The following CDKL4 variants were observed in gnomAD, a reference collection of about 807,000 sequenced individuals.
CDKL4 encodes cyclin-dependent kinase-like 4.
CDKL4 carries 44 observed loss-of-function variants against 42.0 expected under a neutral mutation model. That is an observed-to-expected ratio of 1.05 (90% CI 0.82 to 1.35). The LOEUF (loss-of-function observed/expected upper bound fraction) is 1.35. Ranked by LOEUF, CDKL4 falls within the 40% of genes most tolerant of loss-of-function variation. The pLI is 0.00. For synonymous variants in CDKL4, 120 were observed against 121.6 expected (o/e 0.99, Z 0.09); for missense variants, 393 against 369.9 (o/e 1.06, Z -0.51).
chr2:39,227,515 C>A (rs527954794), intron 2 of CDKL4, among the ~76,000 whole-genome samples: 12 of 152,208 alleles, frequency 7.9e-5, no homozygotes, highest in Non-Finnish European at 2.9e-5. Context: ...ATCGCGTGAA[C>A]CTAGGAGTTC....
chr2:39,172,145 C>G (rs1675016514), downstream of CDKL4, among the ~76,000 whole-genome samples: 1 of 151,846 alleles, frequency 6.6e-6, no homozygotes, highest in South Asian at 2.1e-4. Flanking sequence ...CCCATCTCTA[C>G]TAAAAATACA....
At chr2:39,233,044 C>CAAAAAAAAAAAAAAAAAAAAAAAAAA in intron 1 of CDKL4, among the ~76,000 whole-genome samples, 1 of 66,130 alleles carries the variant, frequency 1.5e-5, no homozygotes, top group Non-Finnish European at 2.7e-5. Flanking sequence ...GACTCCATCT[C>CAAAAAAAAAAAAAAAAAAAAAAAAAA]AAAAAAAAAA....
chr2:39,181,761 T>C (rs1258587927), intron 8 of CDKL4, among the ~76,000 whole-genome samples: 1 of 152,074 alleles, frequency 6.6e-6, no homozygotes, highest in Non-Finnish European at 1.5e-5. Flanking sequence ...TGGAGTTACA[T>C]TGTCACAAGT....
chr2:39,179,199 T>C, exon 9 of CDKL4: 1 of 1,605,208 alleles, frequency 6.2e-7, no homozygotes, highest in Non-Finnish European at 8.5e-7. Context: ...GTTGGCGTCT[T>C]CTGTTTCTTC....
rs568272885 is a variant in CDKL4 at position 39,229,343 on chromosome 2, CAT to C, written c.168+20_168+21del. On this transcript the variant is annotated intron_variant, in intron 2 of 9. Transcript: ENST00000451199. The stretch of plus-strand genomic sequence containing the variant: ...TTTCACTCAATTCCATGATATTTTA[CAT>C]ATATATAAAGTTAACTTACCTTCAA... The C allele has an allele frequency of 1.4e-6, 2 of 1,460,836 alleles. No individual in the cohort carries two copies. The highest frequency in any genetic ancestry group is 2.9e-5 in the African/African-American group (2 of 69,452). 90.5% of individuals were successfully genotyped at this position (1,460,836 alleles called of 1,614,324 possible).
At chr2:39,177,209 G>A (rs1675200745) in intron 9 of CDKL4, among the ~76,000 whole-genome samples, 1 of 152,094 alleles carries the variant, frequency 6.6e-6, no homozygotes, top group African/African-American at 2.4e-5. Flanking sequence ...ATTGAAGGAA[G>A]GGTAGCACAG....
intron 5 of CDKL4, among the ~76,000 whole-genome samples, chr2:39,196,467 G>A (rs527860190): frequency 2.7e-4 from 41 of 152,276 alleles, no homozygotes; most frequent in Admixed American, 9.2e-4. Context: ...CTAGGGGAAA[G>A]GGGAGAGCAC....
intron 4 of CDKL4, among the ~76,000 whole-genome samples, chr2:39,206,044 GT>G (rs1196589433): frequency 3.9e-5 from 3 of 76,214 alleles, no homozygotes; most frequent in South Asian, 4.1e-4. Flanking sequence ...CAAAGCAGCT[GT>G]TTTTTTTTGT....
intron 5 of CDKL4, among the ~76,000 whole-genome samples, chr2:39,198,815 CCTCTGGGATACAG>C (rs1676674665): frequency 6.6e-6 from 1 of 152,022 alleles, no homozygotes; most frequent in Admixed American, 6.6e-5. Flanking sequence ...CCTATCAAAA[CCTCTGGGATACAG>C]CAAAGGCAAT....
intron 1 of CDKL4, among the ~76,000 whole-genome samples, chr2:39,229,853 T>C (rs543840949): frequency 2.2e-4 from 33 of 152,346 alleles, no homozygotes; most frequent in African/African-American, 7.5e-4. Flanking sequence ...AGGAAACTTA[T>C]CCCATCTATT....
chr2:39,215,435 T>C (rs72921008), intron 3 of CDKL4, among the ~76,000 whole-genome samples: 5,176 of 152,306 alleles, frequency 0.034, 300 homozygotes, highest in African/African-American at 0.12. Flanking sequence ...TTCAGCCCTG[T>C]TGATGGAGAT....
intron 1 of CDKL4, among the ~76,000 whole-genome samples, chr2:39,240,845 C>T (rs1478980424): frequency 6.6e-6 from 1 of 152,070 alleles, no homozygotes; most frequent in African/African-American, 2.4e-5. Flanking sequence ...GTATTCTTGG[C>T]AAAAATGCAA....
intron 5 of CDKL4, among the ~76,000 whole-genome samples, chr2:39,196,013 A>T (rs1197429728): frequency 6.6e-6 from 1 of 152,168 alleles, no homozygotes; most frequent in Non-Finnish European, 1.5e-5. Context: ...AAGGTGGATT[A>T]CCACTGCAGG....
intron 3 of CDKL4, among the ~76,000 whole-genome samples, chr2:39,215,638 A>G (rs1294534098): frequency 6.6e-6 from 1 of 152,216 alleles, no homozygotes; most frequent in East Asian, 1.9e-4. Flanking sequence ...TTAAAAATTG[A>G]ACATGTGCAG....
At chr2:39,231,347 A>C (rs1261736829) in intron 1 of CDKL4, among the ~76,000 whole-genome samples, 1 of 152,250 alleles carries the variant, frequency 6.6e-6, no homozygotes, top group African/African-American at 2.4e-5. Flanking sequence ...GTTTCAAATG[A>C]GTACACATTT....
In CDKL4 at chr2:39,229,592, GA is replaced by G; in HGVS notation, c.-56-5del. 1 of 1,349,422 alleles carries G rather than the reference GA, an allele frequency of 7.4e-7. No individual in the cohort carries two copies. The highest frequency in any genetic ancestry group is 1.0e-6 in the Non-Finnish European group (1 of 981,228). 83.6% of individuals were successfully genotyped at this position (1,349,422 alleles called of 1,614,324 possible). A position where few individuals can be genotyped will look rare whatever the true frequency, so the allele number is the denominator to read the frequency against. ...GACTTGCAGTACAATGCTGCACCTG[GA>G]AAATAAGGTAGACTTGCCTTAATCA... On this transcript the variant is annotated splice_polypyrimidine_tract_variant and splice_region_variant and intron_variant, in intron 1 of 9. Coordinates refer to ENST00000451199, the Ensembl canonical transcript of CDKL4.
chr2:39,245,771 A>G (rs889211638), upstream of CDKL4, among the ~76,000 whole-genome samples: 4 of 152,164 alleles, frequency 2.6e-5, no homozygotes, highest in Non-Finnish European at 5.9e-5. Flanking sequence ...GTCATTAGTC[A>G]TTACTTTTCG....
At chr2:39,222,010 T>C (rs1460461046) in intron 3 of CDKL4, among the ~76,000 whole-genome samples, 1 of 152,240 alleles carries the variant, frequency 6.6e-6, no homozygotes, top group Non-Finnish European at 1.5e-5. Context: ...TGTATCATTA[T>C]AACTGTATCC....
At chr2:39,193,169 C>A (rs2148309386) in intron 5 of CDKL4, among the ~76,000 whole-genome samples, 1 of 147,648 alleles carries the variant, frequency 6.8e-6, no homozygotes, top group South Asian at 2.2e-4. Flanking sequence ...TTTGGTGGCT[C>A]ACGCCTGTAA....
Sources: gnomAD v4.1 joint callset for allele counts (sites outside exome capture counted in the v4.1 genomes callset) on GRCh38, gnomAD v4.1.1 for gene constraint, MANE v1.5 for transcripts, NCBI Gene and HGNC (gene_info 2026-07-23, HGNC 2026-07-21) for gene names.